Variants in DYM observed in about 807,000 individuals in gnomAD.
DYM encodes the protein dyggve-Melchior-Clausen syndrome protein.
A neutral mutation model predicts 93.1 loss-of-function variants in DYM; 78 were observed. That is an observed-to-expected ratio of 0.84 (90% CI 0.70 to 1.01). The LOEUF (loss-of-function observed/expected upper bound fraction) is 1.01, where lower values mean the gene tolerates loss of function less well. Ranked by LOEUF, DYM falls within the 50% of genes least tolerant of loss-of-function variation. DYM has a pLI of 0.00. For missense variants in DYM, 789 were observed against 845.0 expected, an observed-to-expected ratio of 0.93 and a Z score of 0.82; for synonymous variants, 321 against 319.7, an observed-to-expected ratio of 1.00 and a Z score of -0.04.
intron 8 of DYM, among the ~76,000 whole-genome samples, chr18:49,287,597 T>C (rs1342657307): frequency 6.6e-6 from 1 of 151,902 alleles, no homozygotes; most frequent in Admixed American, 6.6e-5. Flanking sequence ...AGAAATGCGC[T>C]GTCCAGGCCT....
At chr18:49,241,511 A>T (rs2094009624) in intron 13 of DYM, among the ~76,000 whole-genome samples, 1 of 152,228 alleles carries the variant, frequency 6.6e-6, no homozygotes, top group Admixed American at 6.5e-5. Context: ...GTAAGCCCCG[A>T]ACTCAATCAG....
intron 2 of DYM, among the ~76,000 whole-genome samples, chr18:49,410,667 G>A (rs1230812371): frequency 6.6e-6 from 1 of 150,390 alleles, no homozygotes; most frequent in Non-Finnish European, 1.5e-5. Context: ...AAAAAAATTA[G>A]CTGGGCATGG....
In DYM at chr18:49,078,249, C is replaced by G. The variant is rs147735210; in HGVS notation, c.2025+19153G>C. Among the ~76,000 whole-genome samples, 8 of 152,220 alleles carry G rather than the reference C, an allele frequency of 5.3e-5. No individual in the cohort carries two copies. In the East Asian group the frequency reaches 1.5e-3, roughly 29 times the overall value. On this transcript the variant is annotated intron_variant, in intron 17 of 17. Coordinates refer to ENST00000675505, the MANE Select transcript of DYM (RefSeq NM_001353214.3). ...TATTTTAAAATAACTTAGAGAATAA[C>G]TGGATTGTCTGTAACTCAAAGGATA...
chr18:49,281,866 C>G (rs1214796555), intron 10 of DYM, 131 bp downstream of exon 10: 5 of 837,778 alleles, frequency 6.0e-6, no homozygotes, highest in Admixed American at 2.8e-5. Context: ...TGACGAGTTC[C>G]TGGGTGCAGC....
chr18:49,324,043 G>A (rs1193049190), intron 8 of DYM, among the ~76,000 whole-genome samples: 1 of 138,334 alleles, frequency 7.2e-6, no homozygotes, highest in African/African-American at 2.7e-5. Flanking sequence ...GCTGAGGCAC[G>A]ACAATCGCTT....
intron 8 of DYM, chr18:49,329,570 T>C (rs2063168027): frequency 6.6e-6 from 1 of 151,942 alleles, no homozygotes; most frequent in Non-Finnish European, 1.5e-5. Context: ...CAGAAGGCCT[T>C]GCCTGACTCA....
At chr18:49,368,763 A>G (rs942753274) in intron 5 of DYM, 2 of 152,268 alleles carry the variant, frequency 1.3e-5, no homozygotes, top group African/African-American at 4.8e-5. Flanking sequence ...CAAAACAAAC[A>G]TGCCACAGGT....
chr18:49,159,718 CA>C (rs1276175463), intron 15 of DYM, among the ~76,000 whole-genome samples: 5 of 152,238 alleles, frequency 3.3e-5, no homozygotes, highest in Non-Finnish European at 5.9e-5. Context: ...CCAATCTCTA[CA>C]TTTTGGAGTT....
chr18:49,210,463 T>C (rs1229346725), intron 13 of DYM, among the ~76,000 whole-genome samples: 1 of 152,182 alleles, frequency 6.6e-6, no homozygotes, highest in African/African-American at 2.4e-5. Flanking sequence ...AGGCTACATA[T>C]TGTGTGATTC....
intron 13 of DYM, among the ~76,000 whole-genome samples, chr18:49,231,873 C>A (rs2093705441): frequency 1.3e-5 from 2 of 152,172 alleles, no homozygotes; most frequent in South Asian, 4.1e-4. Context: ...AGGGTCACAT[C>A]AACATGACTC....
At chr18:49,432,711 A>G (rs914599233) in intron 1 of DYM, among the ~76,000 whole-genome samples, 1 of 151,156 alleles carries the variant, frequency 6.6e-6, no homozygotes, top group Non-Finnish European at 1.5e-5. Context: ...TCCTGGGCTC[A>G]AGGGAGCCTC....
chr18:49,328,940 C>T (rs2063114375), intron 8 of DYM, among the ~76,000 whole-genome samples: 1 of 152,094 alleles, frequency 6.6e-6, no homozygotes. Flanking sequence ...TGGATATATA[C>T]CCAAAGGATT....
intron 11 of DYM, among the ~76,000 whole-genome samples, chr18:49,269,578 A>G (rs1401243644): frequency 6.6e-6 from 1 of 152,202 alleles, no homozygotes; most frequent in Non-Finnish European, 1.5e-5. Flanking sequence ...AAATGGATAA[A>G]GAAAATGTAA....
chr18:49,097,292 A>G (rs1456007575), intron 17 of DYM, 110 bp downstream of exon 17: 4 of 962,192 alleles, frequency 4.2e-6, no homozygotes, highest in Admixed American at 3.9e-5. Context: ...GAGCCCTTCT[A>G]GTCTATGTAC....
chr18:49,439,366 A>G (rs564360084), intron 1 of DYM, among the ~76,000 whole-genome samples: 8 of 152,272 alleles, frequency 5.3e-5, no homozygotes, highest in Admixed American at 1.3e-4. Context: ...AACTGATTCT[A>G]TCATTCCTCC....
rs1287268663 is a variant in DYM at position 49,209,614 on chromosome 18, C to T, written c.1562G>A (p.Ser521Asn). The change falls in exon 14 of 18, where the codon AGT (serine) becomes AAT (asparagine). Residue 521 changes from serine to asparagine, a missense_variant. Physicochemically the swap from Ser to Asn is conservative, Grantham distance 46. Transcript: ENST00000675505. ...AGACAAGAGTTCCTCTCCATTGTCA[C>T]TGAGGGTCGAGAAGCAATGCTGAAG... ...STLQHCFSTLSDNGEELLSLT... is the reference protein window; with the variant it reads ...STLQHCFSTLNDNGEELLSLT... The T allele has an allele frequency of 7.8e-7, 1 of 1,289,614 alleles. No individual in the cohort carries two copies. The highest frequency in any genetic ancestry group is 1.5e-5 in the African/African-American group (1 of 65,860). 79.9% of individuals were successfully genotyped at this position (1,289,614 alleles called of 1,614,324 possible).
intron 17 of DYM, among the ~76,000 whole-genome samples, chr18:49,087,646 G>T (rs1027971506): frequency 6.6e-6 from 1 of 152,206 alleles, no homozygotes; most frequent in Non-Finnish European, 1.5e-5. Context: ...TAATGGGATT[G>T]CTGGGTCAAA....
intron 6 of DYM, among the ~76,000 whole-genome samples, chr18:49,360,830 T>C (rs558349785): frequency 3.3e-5 from 5 of 152,172 alleles, no homozygotes; most frequent in Non-Finnish European, 5.9e-5. Flanking sequence ...CCCAAAGATA[T>C]GGGATCCAGG....
chr18:49,218,500 T>G (rs538894461), intron 13 of DYM, among the ~76,000 whole-genome samples: 1,650 of 152,270 alleles, frequency 0.011, 28 homozygotes, highest in African/African-American at 0.037. Flanking sequence ...ACCACATAGT[T>G]GGAAGTAGAG....
Sources: allele counts gnomAD v4.1 joint callset (sites outside exome capture counted in the v4.1 genomes callset), GRCh38; gene constraint gnomAD v4.1.1; transcripts MANE v1.5; gene names NCBI Gene and HGNC (gene_info 2026-07-23, HGNC 2026-07-21).